Variants in PCDHGB2 observed in about 807,000 individuals in gnomAD.
The protein encoded by PCDHGB2 is protocadherin gamma subfamily B, 2, also known as protocadherin gamma-B2.
A neutral mutation model predicts 59.3 loss-of-function variants in PCDHGB2; 55 were observed. The observed-to-expected ratio is 0.93, with a 90% CI of 0.75 to 1.16. The LOEUF (loss-of-function observed/expected upper bound fraction) is 1.16. Among genes scored for constraint, PCDHGB2 ranks in the 50% most tolerant of loss-of-function variants. The pLI is 0.00. For synonymous variants in PCDHGB2, 516 were observed against 512.0 expected, an observed-to-expected ratio of 1.01 and a Z score of -0.11; for missense variants, 1,228 against 1,198.5, an observed-to-expected ratio of 1.02 and a Z score of -0.36.
At chr5:141,370,525 G>C in intron 1 of PCDHGB2, 1 of 1,613,874 alleles carries the variant, frequency 6.2e-7, no homozygotes, top group Non-Finnish European at 8.5e-7. Flanking sequence ...CTGGACAGGG[G>C]CTCGCTGGTA....
chr5:141,487,404 C>A lies in PCDHGB2; in HGVS notation c.2422-7403C>A, dbSNP rs771371344. 1.2e-6 allele frequency: 2 copies of A among 1,614,178 alleles called. No homozygotes were observed. Among genetic ancestry groups the A allele is most frequent in the Non-Finnish European group, 1.7e-6 (2 of 1,180,032 alleles). ...AGATCTCGAAGGAGGGAGGGGCTTC[C>A]CCCTTCCAATGGGATCCTCCGAATC... is the stretch of plus-strand genomic sequence containing the variant. On this transcript the variant is annotated intron_variant, in intron 1 of 3. Coordinates refer to ENST00000522605, the MANE Select transcript of PCDHGB2 (RefSeq NM_018923.3). The surrounding 1 kb of genome is among the most constrained non-coding windows in gnomAD (Gnocchi z 5.0).
Position 141,485,751 on chromosome 5 carries a change from A to G in PCDHGB2, c.2422-9056A>G. ...CGCAGCGACGGCAGCCTGGTCCCAG[A>G]GCTGCTCCTGGAGAAGCCTTTGGAT... is the stretch of plus-strand genomic sequence containing the variant. On this transcript the variant is annotated intron_variant, in intron 1 of 3. Coordinates refer to ENST00000522605, the MANE Select transcript of PCDHGB2 (RefSeq NM_018923.3). This position sits in a 1 kb window ranked among gnomAD's most constrained non-coding sequence, Gnocchi z 5.7. 6.2e-7 allele frequency: 1 copy of G among 1,614,166 alleles called. No individual in the cohort carries two copies. Among genetic ancestry groups the G allele is most frequent in the Non-Finnish European group, 8.5e-7 (1 of 1,179,998 alleles).
At position 141,477,386 on chromosome 5, in the gene PCDHGB2, A is replaced by C; in HGVS notation, c.2422-17421A>C. 1 of 1,614,116 alleles carries C rather than the reference A, an allele frequency of 6.2e-7. No homozygotes were observed. Among genetic ancestry groups the C allele is most frequent in the South Asian group, 1.1e-5 (1 of 91,080 alleles). On this transcript the variant is annotated intron_variant, in intron 1 of 3. Coordinates refer to ENST00000522605, the MANE Select transcript of PCDHGB2 (RefSeq NM_018923.3). The surrounding 1 kb of genome is among the most constrained non-coding windows in gnomAD (Gnocchi z 4.9). ...GGATCGGGAGACTGTGCCAGAATAC[A>C]ACCTCAGCATCACCGCCCGAGACGC...
Position 141,485,298 on chromosome 5 carries a change from G to A in PCDHGB2, c.2422-9509G>A, listed in dbSNP as rs1562104502. 1 of 1,613,978 alleles carries A rather than the reference G, an allele frequency of 6.2e-7. No individual in the cohort carries two copies. On this transcript the variant is annotated intron_variant, in intron 1 of 3. Coordinates refer to ENST00000522605, the MANE Select transcript of PCDHGB2 (RefSeq NM_018923.3). This position sits in a 1 kb window ranked among gnomAD's most constrained non-coding sequence, Gnocchi z 5.7. ...CCGGTCCCAGAGGAGTCACAGGAAG[G>A]GACTTTTGTAGGGAATGTCGCTCAA...
chr5:141,478,497 C>A (rs746475685), intron 1 of PCDHGB2: 2 of 1,612,820 alleles, frequency 1.2e-6, no homozygotes, highest in Non-Finnish European at 1.7e-6. Context: ...AGCTGTGATC[C>A]GGTGTTCTAT....
chr5:141,363,651 T>C (rs772337570), intron 1 of PCDHGB2, among the ~76,000 whole-genome samples: 15 of 152,250 alleles, frequency 9.9e-5, no homozygotes, highest in Non-Finnish European at 2.2e-4. Context: ...GTAACAAAGA[T>C]CTTTATTTCT....
chr5:141,380,470 G>A (rs755352560), intron 1 of PCDHGB2, among the ~76,000 whole-genome samples: 27 of 152,140 alleles, frequency 1.8e-4, no homozygotes, highest in Non-Finnish European at 3.4e-4. Flanking sequence ...AAATGGTCAG[G>A]ATTCTTCCCA....
chr5:141,404,200 A>C, intron 1 of PCDHGB2: 1 of 1,613,696 alleles, frequency 6.2e-7, no homozygotes, highest in Non-Finnish European at 8.5e-7. Context: ...AAAAAGCCTC[A>C]GAATATAATA....
At chr5:141,393,021 G>A (rs758868753) in intron 1 of PCDHGB2, 1 of 1,613,850 alleles carries the variant, frequency 6.2e-7, no homozygotes, top group Non-Finnish European at 8.5e-7. Context: ...CGTCTCCAGA[G>A]GTAGGACGCA....
intron 1 of PCDHGB2, chr5:141,441,697 C>T: frequency 6.5e-6 from 2 of 307,306 alleles, no homozygotes; most frequent in Non-Finnish European, 1.3e-5. Flanking sequence ...CAGCCGCGAG[C>T]CTTCAAGCTC....
intron 1 of PCDHGB2, chr5:141,439,815 T>C (rs1027862858): frequency 5.3e-5 from 8 of 152,314 alleles, no homozygotes; most frequent in African/African-American, 1.9e-4. Flanking sequence ...AAGGGGCTTA[T>C]TTGGGCTGGA....
intron 1 of PCDHGB2, chr5:141,385,334 C>A: frequency 6.3e-7 from 1 of 1,581,530 alleles, no homozygotes; most frequent in Non-Finnish European, 8.6e-7. Context: ...GTGAGCCCAG[C>A]CCTTCCTTTA....
intron 1 of PCDHGB2, chr5:141,419,504 C>T (rs577411043): frequency 4.7e-5 from 75 of 1,612,298 alleles, no homozygotes; most frequent in South Asian, 2.7e-4. Flanking sequence ...TGTGAGCCTG[C>T]GCGTGTTGGT....
At chr5:141,395,297 T>C in intron 1 of PCDHGB2, 1 of 1,523,916 alleles carries the variant, frequency 6.6e-7, no homozygotes, top group Non-Finnish European at 8.8e-7. Context: ...GCATAAATTA[T>C]GTTTTGAAAA....
At chr5:141,376,345 C>G (rs747833428) in intron 1 of PCDHGB2, 1 of 1,614,084 alleles carries the variant, frequency 6.2e-7, no homozygotes, top group African/African-American at 1.3e-5. Context: ...AGACCTATTC[C>G]CACGAGGTCT....
At chr5:141,480,198 G>A (rs1280951298) in intron 1 of PCDHGB2, among the ~76,000 whole-genome samples, 2 of 150,780 alleles carry the variant, frequency 1.3e-5, no homozygotes, top group African/African-American at 4.9e-5. Flanking sequence ...GAGGCCAGCA[G>A]TTCAAGACCA....
chr5:141,403,109 G>T, intron 1 of PCDHGB2: 2 of 1,614,074 alleles, frequency 1.2e-6, no homozygotes, highest in Non-Finnish European at 1.7e-6. Flanking sequence ...CAAGGACCTG[G>T]CTCTGGAGCC....
In PCDHGB2 at chr5:141,361,360, G is replaced by C. The variant is rs772255956; in HGVS notation, c.1225G>C (p.Ala409Pro). Residue 409 changes from alanine (A) to proline (P), a missense_variant, in exon 1 of 4, where the codon GCT becomes CCT. By Grantham distance (27) the Ala-to-Pro change is conservative. Transcript: ENST00000522605. ...KNYYKLVTDGALDREEIPEYN... is the reference protein window; with the variant it reads ...KNYYKLVTDGPLDREEIPEYN... ...CTATTACAAACTAGTGACAGACGGC[G>C]CTCTGGACCGGGAGGAGATCCCAGA... is the stretch of plus-strand genomic sequence containing the variant. 1.2e-5 allele frequency: 20 copies of C among 1,613,944 alleles called. No homozygotes were observed. The highest frequency in any genetic ancestry group is 1.7e-5 in the Non-Finnish European group (20 of 1,179,886).
chr5:141,417,785 A>C (rs1273908599), intron 1 of PCDHGB2: 22 of 1,476,018 alleles, frequency 1.5e-5, no homozygotes, highest in Non-Finnish European at 1.7e-5. Context: ...TCCTGGGCCG[A>C]ATGCTCTTTT....
Sources: allele counts gnomAD v4.1 joint callset (sites outside exome capture counted in the v4.1 genomes callset), GRCh38; gene constraint gnomAD v4.1.1; non-coding constraint Gnocchi (gnomAD v3.1); transcripts MANE v1.5; gene names NCBI Gene and HGNC (gene_info 2026-07-23, HGNC 2026-07-21).